The following SCAF8 variants were observed in gnomAD, a reference collection of about 807,000 sequenced individuals.
SCAF8 encodes SR-related and CTD-associated factor 8.
In SCAF8, 23 loss-of-function variants were observed where a neutral mutation model predicts 140.5. The observed-to-expected ratio is 0.16, with a 90% CI of 0.12 to 0.23. SCAF8 has a LOEUF of 0.23. SCAF8 is among the 10% of genes least tolerant of loss of function. The probability of loss-of-function intolerance (pLI) is 1.00; values close to 1 mark genes in which losing one functional copy is unlikely to be tolerated. For synonymous variants in SCAF8, 575 were observed against 528.9 expected (o/e 1.09, Z -1.20); for missense variants, 1,397 against 1,555.7 (o/e 0.90, Z 1.72).
chr6:154,803,579 T>C lies in SCAF8; in HGVS notation c.819T>C (p.Ser273=), dbSNP rs764239174. ...ATAGGTTTGATTTTGGGGAAGACTC[T>C]GAGCATAGTGAAGAACCCAAAAAGG... The part of the protein sequence containing the change: ...LMDRFDFGED[S]EHSEEPKKEI... Residue 273 remains serine (S), a synonymous_variant, in exon 8 of 20, where the codon TCT becomes TCC. Transcript: ENST00000367178. 10 of 1,612,472 alleles carry C rather than the reference T, an allele frequency of 6.2e-6. No homozygotes were observed. Among genetic ancestry groups the C allele is most frequent in the Non-Finnish European group, 6.8e-6 (8 of 1,179,362 alleles).
intron 2 of SCAF8, among the ~76,000 whole-genome samples, chr6:154,776,338 A>T (rs981360108): frequency 6.6e-6 from 1 of 151,644 alleles, no homozygotes; most frequent in Non-Finnish European, 1.5e-5. Context: ...ACATTTTATC[A>T]ATCAGATTTA....
At chr6:154,773,509 A>G (rs1475436074) in intron 1 of SCAF8, among the ~76,000 whole-genome samples, 3 of 152,214 alleles carry the variant, frequency 2.0e-5, no homozygotes, top group East Asian at 1.9e-4. Context: ...TAGGGCTACA[A>G]TGACCACGTG....
intron 1 of SCAF8, among the ~76,000 whole-genome samples, chr6:154,736,169 C>T (rs1778412419): frequency 1.3e-5 from 2 of 151,632 alleles, no homozygotes; most frequent in South Asian, 4.2e-4. Context: ...ATTTAATTCC[C>T]GCCGCCACCC....
At chr6:154,773,581 C>T (rs1776835108) in intron 1 of SCAF8, among the ~76,000 whole-genome samples, 1 of 152,118 alleles carries the variant, frequency 6.6e-6, no homozygotes, top group African/African-American at 2.4e-5. Flanking sequence ...GTATCATGTA[C>T]AAGTTCTTTG....
chr6:154,810,795 A>C (rs1245040879), intron 12 of SCAF8, among the ~76,000 whole-genome samples: 7 of 152,010 alleles, frequency 4.6e-5, no homozygotes, highest in African/African-American at 7.2e-5. Flanking sequence ...ATTAGTGCCA[A>C]ATTTTGCCTA....
In SCAF8 at chr6:154,832,485, C is replaced by T. The variant is rs1294414920; in HGVS notation, c.2906C>T (p.Pro969Leu). The change falls in exon 20 of 20, where the codon CCT (proline) becomes CTT (leucine). Residue 969 changes from proline (P) to leucine (L), a missense_variant. By Grantham distance (98) the Pro-to-Leu change is moderately conservative. Around this residue, in one of 5 missense-constraint regions of SCAF8, gnomAD observed 930 missense variants for 874.6 expected, o/e 1.06. Coordinates refer to ENST00000367178, the MANE Select transcript of SCAF8 (RefSeq NM_014892.5). ...GCTCTTCATCCACCACCCCGTGGACCTTTTCCTCCAGGAGATATTTTTAGT... is the reference window on the plus strand; with the variant it reads ...GCTCTTCATCCACCACCCCGTGGACTTTTTCCTCCAGGAGATATTTTTAGT... ...DSALHPPPRG[P>L]FPPGDIFSQP... 2 of 1,613,962 alleles carry T rather than the reference C, an allele frequency of 1.2e-6. No individual in the cohort carries two copies. Among genetic ancestry groups the T allele is most frequent in the African/African-American group, 2.7e-5 (2 of 75,022 alleles).
intron 1 of SCAF8, among the ~76,000 whole-genome samples, chr6:154,758,791 A>T (rs1779028575): frequency 1.3e-5 from 2 of 152,200 alleles, no homozygotes; most frequent in Non-Finnish European, 2.9e-5. Flanking sequence ...CAGTGTGGTA[A>T]CAGGGTCTGC....
At chr6:154,827,359 A>G in intron 18 of SCAF8, 119 bp downstream of exon 18, 5 of 667,154 alleles carry the variant, frequency 7.5e-6, no homozygotes, top group Non-Finnish European at 1.0e-5. Context: ...AGACAAATGC[A>G]TGTTAGATAA....
chr6:154,831,743 GAATT>G (rs1225906801), intron 19 of SCAF8, among the ~76,000 whole-genome samples, 192 bp from the exon 20 acceptor site: 1 of 52,852 alleles, frequency 1.9e-5, no homozygotes, highest in Non-Finnish European at 3.9e-5. Context: ...AAAAAAAAAA[GAATT>G]ATGGTTTAGA....
chr6:154,766,761 C>T (rs984351160), intron 1 of SCAF8, among the ~76,000 whole-genome samples: 1 of 145,188 alleles, frequency 6.9e-6, no homozygotes, highest in Non-Finnish European at 1.5e-5. Flanking sequence ...CATCTGGACA[C>T]AGTTTTGCCC....
In SCAF8 at chr6:154,792,917, C is replaced by T. The variant is rs199575592; in HGVS notation, c.416C>T (p.Pro139Leu). 8.7e-6 allele frequency: 14 copies of T among 1,613,784 alleles called. No individual in the cohort carries two copies. Among genetic ancestry groups the T allele is most frequent in the African/African-American group, 2.7e-5 (2 of 75,020 alleles). ...QPLLDMAAGI[P>L]PPVVTPVLAS... ...CTTTTGGATATGGCAGCCGGGATTC[C>T]GCCTCCAGTTGTCACACCTGTTTTG... is the stretch of plus-strand genomic sequence containing the variant. Residue 139 changes from proline to leucine, a missense_variant, in exon 5 of 20, where the codon CCG becomes CTG. Coordinates refer to ENST00000367178, the MANE Select transcript of SCAF8 (RefSeq NM_014892.5).
chr6:154,774,167 T>C (rs1399333712), intron 2 of SCAF8, 95 bp downstream of exon 2: 1 of 868,934 alleles, frequency 1.2e-6, no homozygotes, highest in Admixed American at 2.1e-5. Context: ...TATGTTCTTT[T>C]TCACTTTACA....
intron 1 of SCAF8, among the ~76,000 whole-genome samples, chr6:154,759,185 G>A (rs1044093810): frequency 3.3e-5 from 5 of 152,184 alleles, no homozygotes; most frequent in Admixed American, 1.3e-4. Context: ...TCATCAGTGC[G>A]AAAGCAAGGC....
chr6:154,734,037 G>T (rs1778340009), intron 1 of SCAF8, 107 bp downstream of exon 1: 2 of 1,407,604 alleles, frequency 1.4e-6, no homozygotes, highest in Middle Eastern at 2.7e-4. Flanking sequence ...TTTAAGGGTG[G>T]GGTGAGCGGT....
At chr6:154,819,157 T>C (rs2351845) in intron 14 of SCAF8, among the ~76,000 whole-genome samples, 93,987 of 152,028 alleles carry the variant, frequency 0.62, 32,033 homozygotes, top group East Asian at 0.91. Context: ...TTATTTATCT[T>C]ATCAGTTTCT....
At chr6:154,766,963 G>A (rs373985705) in intron 1 of SCAF8, among the ~76,000 whole-genome samples, 3 of 152,062 alleles carry the variant, frequency 2.0e-5, no homozygotes, top group African/African-American at 7.2e-5. Context: ...CCCAGATCTA[G>A]AGGCTGAATT....
intron 3 of SCAF8, among the ~76,000 whole-genome samples, chr6:154,786,313 C>T (rs1462775228): frequency 2.0e-5 from 3 of 152,170 alleles, no homozygotes; most frequent in Non-Finnish European, 4.4e-5. Flanking sequence ...GATTACCAGC[C>T]TGGGTGACAT....
At chr6:154,735,956 A>G (rs1199266825) in intron 1 of SCAF8, among the ~76,000 whole-genome samples, 1 of 151,030 alleles carries the variant, frequency 6.6e-6, no homozygotes, top group Admixed American at 6.6e-5. Context: ...CAGCCCCCCA[A>G]GTAGGTGAGA....
At chr6:154,780,301 C>T (rs535301174) in intron 3 of SCAF8, among the ~76,000 whole-genome samples, 15 of 150,470 alleles carry the variant, frequency 1.0e-4, no homozygotes, top group Non-Finnish European at 1.9e-4. Flanking sequence ...TTTTGCCCAG[C>T]GTAATTCTTT....
Sources: allele counts gnomAD v4.1 joint callset (sites outside exome capture counted in the v4.1 genomes callset), GRCh38; gene constraint gnomAD v4.1.1; regional missense constraint gnomAD v4.1.1; transcripts MANE v1.5; gene names NCBI Gene and HGNC (gene_info 2026-07-23, HGNC 2026-07-21).